SKAP1: variants seen among roughly 807,000 people sequenced by gnomAD.
The protein encoded by SKAP1 is src kinase associated phosphoprotein 1.
Under a neutral mutation model 58.5 loss-of-function variants are expected in SKAP1, and 44 were observed. The ratio of observed to expected loss-of-function variants is 0.75; its 90% confidence interval spans 0.59 to 0.97. The LOEUF is 0.97. SKAP1 is among the 50% of genes least tolerant of loss of function. SKAP1 has a pLI of 0.00. For missense variants in SKAP1, 390 were observed against 435.2 expected, an observed-to-expected ratio of 0.90 and a Z score of 0.92; for synonymous variants, 127 against 149.7, an observed-to-expected ratio of 0.85 and a Z score of 1.11.
At chr17:48,154,897 A>G (rs1490564796) in intron 11 of SKAP1, among the ~76,000 whole-genome samples, 1 of 151,570 alleles carries the variant, frequency 6.6e-6, no homozygotes, top group Non-Finnish European at 1.5e-5. Context: ...CATCTCTACT[A>G]AAAATACAAA....
At chr17:48,434,682 T>TA (rs200830667), upstream of SKAP1, among the ~76,000 whole-genome samples, 1,435 of 152,210 alleles carry the variant, frequency 9.4e-3, 12 homozygotes, top group Non-Finnish European at 0.015. Flanking sequence ...AAATTCAAGA[T>TA]AAGGAACAGA....
chr17:48,336,253 A>G (rs1305787702), intron 4 of SKAP1, among the ~76,000 whole-genome samples: 1 of 152,198 alleles, frequency 6.6e-6, no homozygotes, highest in Non-Finnish European at 1.5e-5. Flanking sequence ...ATGATCACCA[A>G]TACCAACATC....
intron 4 of SKAP1, among the ~76,000 whole-genome samples, chr17:48,345,232 T>A (rs78632193): frequency 0.092 from 14,056 of 152,296 alleles, 986 homozygotes; most frequent in African/African-American, 0.17. Flanking sequence ...TTATGTCTTA[T>A]CTTAAAAATT....
upstream of SKAP1, among the ~76,000 whole-genome samples, chr17:48,433,512 C>A (rs748538852): frequency 4.6e-5 from 7 of 152,174 alleles, no homozygotes; most frequent in Admixed American, 6.5e-5. Context: ...CCGTCCCCCC[C>A]AGACCCAATT....
intron 1 of SKAP1, among the ~76,000 whole-genome samples, chr17:48,411,574 A>G (rs2067667073): frequency 6.6e-6 from 1 of 152,162 alleles, no homozygotes; most frequent in Non-Finnish European, 1.5e-5. Context: ...AAGAGTATGG[A>G]AAGGATGAAT....
chr17:48,184,631 G>T, intron 7 of SKAP1, 92 bp downstream of exon 7: 2 of 1,520,670 alleles, frequency 1.3e-6, no homozygotes, highest in South Asian at 1.1e-5. Flanking sequence ...ACAAAGAAAG[G>T]CTGGAACCCA....
At chr17:48,212,866 G>A (rs958781762) in intron 4 of SKAP1, among the ~76,000 whole-genome samples, 5 of 152,158 alleles carry the variant, frequency 3.3e-5, no homozygotes, top group African/African-American at 4.8e-5. Context: ...CTAAGGAGAC[G>A]AAGGTGACCT....
chr17:48,366,865 C>CA (rs1390109493), intron 2 of SKAP1, among the ~76,000 whole-genome samples: 1 of 152,144 alleles, frequency 6.6e-6, no homozygotes, highest in Admixed American at 6.5e-5. Flanking sequence ...TGTGTACGTA[C>CA]ACTCTCTCTC....
intron 4 of SKAP1, among the ~76,000 whole-genome samples, chr17:48,219,798 C>A (rs567903414): frequency 6.6e-6 from 1 of 152,258 alleles, no homozygotes; most frequent in South Asian, 2.1e-4. Context: ...ACGGTGTCTC[C>A]CAGTCTGCTC....
intron 4 of SKAP1, among the ~76,000 whole-genome samples, chr17:48,237,748 G>A (rs916918592): frequency 2.6e-5 from 4 of 152,150 alleles, no homozygotes; most frequent in Non-Finnish European, 4.4e-5. Flanking sequence ...AAGAGGTAAA[G>A]TCAGTGGGTT....
intron 2 of SKAP1, chr17:48,377,209 G>T (rs1567890185): frequency 6.6e-6 from 1 of 152,158 alleles, no homozygotes; most frequent in Non-Finnish European, 1.5e-5. Flanking sequence ...AAGGAAAAAG[G>T]TTGCTGATGT....
At position 48,173,093 on chromosome 17, in the gene SKAP1, T is replaced by C. The variant is rs1944192246; in HGVS notation, c.827-2434A>G. On this transcript the variant is annotated intron_variant, in intron 9 of 12. Transcript: ENST00000336915. ...TACTTGGGAGACTGAAGCAAGAGGA[T>C]TGCCTGAGCCCAAGAGTTTGAGGCT... is the stretch of plus-strand genomic sequence containing the variant. Among the ~76,000 whole-genome samples, 3 of 151,890 alleles carry C rather than the reference T, an allele frequency of 2.0e-5. No individual in the cohort carries two copies. In the South Asian group the frequency reaches 6.2e-4, roughly 32 times the overall value.
Position 48,289,274 on chromosome 17 carries a change from C to T in SKAP1, c.280+56631G>A, listed in dbSNP as rs867705354. On this transcript the variant is annotated intron_variant, in intron 4 of 12. Coordinates refer to ENST00000336915, the MANE Select transcript of SKAP1 (RefSeq NM_003726.4). Reference sequence around the variant, plus strand: ...TATGAGTAATATCATATTCAAAGGCCTGAAATTAAAAACATGTTTCCTTAT... The same window carrying T: ...TATGAGTAATATCATATTCAAAGGCTTGAAATTAAAAACATGTTTCCTTAT... Among the ~76,000 whole-genome samples the T allele has an allele frequency of 8.6e-5, 13 of 151,756 alleles. No individual in the cohort carries two copies. The South Asian group carries it at 2.7e-3, about 32-fold the overall frequency.
chr17:48,306,746 C>T (rs1215049299), intron 4 of SKAP1, among the ~76,000 whole-genome samples: 1 of 152,132 alleles, frequency 6.6e-6, no homozygotes, highest in Non-Finnish European at 1.5e-5. Context: ...CTTTAGACTA[C>T]CATCAAGATT....
chr17:48,312,254 T>G (rs1488986530), intron 4 of SKAP1, among the ~76,000 whole-genome samples: 1 of 152,246 alleles, frequency 6.6e-6, no homozygotes, highest in Non-Finnish European at 1.5e-5. Context: ...TGTCACTATA[T>G]GAAGTGCAAA....
chr17:48,207,357 A>G (rs1195644134), intron 4 of SKAP1, among the ~76,000 whole-genome samples: 1 of 151,962 alleles, frequency 6.6e-6, no homozygotes, highest in Non-Finnish European at 1.5e-5. Flanking sequence ...GTGGTGATGC[A>G]TGCTTGTAAT....
intron 4 of SKAP1, among the ~76,000 whole-genome samples, chr17:48,229,158 T>G (rs2143770787): frequency 6.6e-6 from 1 of 152,314 alleles, no homozygotes; most frequent in Admixed American, 6.5e-5. Flanking sequence ...GACCTGCGGT[T>G]AAGTATGAAT....
At chr17:48,346,551 G>A (rs567331120) in intron 3 of SKAP1, among the ~76,000 whole-genome samples, 83 of 152,192 alleles carry the variant, frequency 5.5e-4, no homozygotes, top group African/African-American at 1.8e-3. Flanking sequence ...TTGAACCCGG[G>A]GGGTAGAGGT....
chr17:48,295,939 T>C (rs2065964199), intron 4 of SKAP1, among the ~76,000 whole-genome samples: 1 of 152,114 alleles, frequency 6.6e-6, no homozygotes, highest in Non-Finnish European at 1.5e-5. Context: ...AAAACATATA[T>C]GCATATACAC....
Sources: allele counts gnomAD v4.1 joint callset (sites outside exome capture counted in the v4.1 genomes callset), GRCh38; gene constraint gnomAD v4.1.1; transcripts MANE v1.5; gene names NCBI Gene and HGNC (gene_info 2026-07-23, HGNC 2026-07-21).